OSMR: variants seen among roughly 807,000 people sequenced by gnomAD.
The protein encoded by OSMR is oncostatin M receptor, also known as oncostatin-M-specific receptor subunit beta.
Under a neutral mutation model 99.9 loss-of-function variants are expected in OSMR, and 81 were observed. The ratio of observed to expected loss-of-function variants is 0.81; its 90% CI spans 0.68 to 0.97. The LOEUF (loss-of-function observed/expected upper bound fraction) is 0.97. Ranked by LOEUF, OSMR falls within the 50% of genes least tolerant of loss-of-function variation. The pLI, the probability that OSMR is intolerant of heterozygous loss-of-function variation, is 0.00. For missense variants in OSMR, 1,099 were observed against 1,153.4 expected (o/e 0.95, Z 0.68); for synonymous variants, 406 against 410.4 (o/e 0.99, Z 0.13).
At chr5:38,885,949 C>CT in intron 6 of OSMR, 90 bp from the exon 7 acceptor site, 2 of 1,545,828 alleles carry the variant, frequency 1.3e-6, no homozygotes, top group South Asian at 2.5e-5. Context: ...TTGACAGTCA[C>CT]TGAGTATGCC....
intron 1 of OSMR, among the ~76,000 whole-genome samples, chr5:38,856,408 C>T (rs1443050916): frequency 6.6e-6 from 1 of 152,128 alleles, no homozygotes; most frequent in African/African-American, 2.4e-5. Context: ...CCTCAGGTGG[C>T]CTGGGGCCTG....
chr5:38,922,339 C>T (rs1477003300), intron 12 of OSMR, among the ~76,000 whole-genome samples: 1 of 151,910 alleles, frequency 6.6e-6, no homozygotes, highest in Admixed American at 6.6e-5. Context: ...GGGAAATGTC[C>T]CTGTTCAGAG....
At position 38,885,884 on chromosome 5, in the gene OSMR, C is replaced by T. The variant is rs931177629; in HGVS notation, c.840-155C>T. 25 of 984,954 alleles carry T rather than the reference C, an allele frequency of 2.5e-5. No homozygotes were observed. In the South Asian group the frequency reaches 3.3e-4, roughly 13 times the overall value. 61.0% of individuals were successfully genotyped at this position (984,954 alleles called of 1,614,324 possible). On this transcript the variant is annotated intron_variant, in intron 6 of 17. Transcript: ENST00000274276. ...GTCAAATTTGTAGAAACAATATTTT[C>T]GTTATTGGTATTTGTTGGTGATGGA...
At chr5:38,883,066 T>C (rs1743421389) in intron 4 of OSMR, among the ~76,000 whole-genome samples, 1 of 152,038 alleles carries the variant, frequency 6.6e-6, no homozygotes, top group Non-Finnish European at 1.5e-5. Flanking sequence ...GTAATTCTAG[T>C]ACTTTGGGAG....
intron 9 of OSMR, among the ~76,000 whole-genome samples, chr5:38,910,739 G>A (rs904382310): frequency 5.9e-5 from 9 of 152,130 alleles, no homozygotes; most frequent in South Asian, 4.1e-4. Context: ...GGCTGGGTGC[G>A]GTAGCTCACA....
chr5:38,903,407 G>A (rs1174913704), intron 7 of OSMR, among the ~76,000 whole-genome samples: 1 of 152,246 alleles, frequency 6.6e-6, no homozygotes, highest in African/African-American at 2.4e-5. Context: ...CTGCACTAAA[G>A]CATTAAAGGA....
chr5:38,879,780 C>T (rs1743128534), intron 3 of OSMR, among the ~76,000 whole-genome samples: 1 of 152,058 alleles, frequency 6.6e-6, no homozygotes, highest in Non-Finnish European at 1.5e-5. Flanking sequence ...CGCACTACCA[C>T]ATCCGGCTAA....
downstream of OSMR, among the ~76,000 whole-genome samples, chr5:38,936,557 C>A (rs891947481): frequency 6.6e-6 from 1 of 152,158 alleles, no homozygotes; most frequent in Admixed American, 6.5e-5. Flanking sequence ...AAACACCTAA[C>A]CCATACTAAT....
chr5:38,904,002 A>G lies in OSMR; in HGVS notation c.1112A>G (p.His371Arg). ...ACATATTTGTGTCAGATTGAACTCC[A>G]TGGTGAAGGAAAAATGATGCAAGTA... ...NFTYLCQIEL[H>R]GEGKMMQYNV... is the part of the protein sequence containing the mutation. The change falls in exon 8 of 18, where the codon CAT becomes CGT. Residue 371 changes from histidine (H) to arginine (R), a missense_variant. Transcript: ENST00000274276. 6.2e-7 allele frequency: 1 copy of G among 1,614,098 alleles called. No individual in the cohort carries two copies. Among genetic ancestry groups the G allele is most frequent in the Non-Finnish European group, 8.5e-7 (1 of 1,179,976 alleles).
At chr5:38,921,571 C>A in intron 11 of OSMR, 44 bp from the exon 12 acceptor site, 3 of 1,612,908 alleles carry the variant, frequency 1.9e-6, no homozygotes, top group Non-Finnish European at 2.5e-6. Context: ...AAACAATTTA[C>A]AGTTAATTAA....
chr5:38,924,012 A>G (rs1037181201), intron 13 of OSMR, among the ~76,000 whole-genome samples: 1 of 152,218 alleles, frequency 6.6e-6, no homozygotes, highest in Non-Finnish European at 1.5e-5. Context: ...CTCTTTGAAC[A>G]TAATTCTTCC....
At chr5:38,898,920 A>G (rs930317390) in intron 7 of OSMR, among the ~76,000 whole-genome samples, 31 of 131,398 alleles carry the variant, frequency 2.4e-4, no homozygotes, top group African/African-American at 7.9e-4. Context: ...TCTACTTTTT[A>G]ACTTTTTGTT....
intron 3 of OSMR, among the ~76,000 whole-genome samples, chr5:38,879,196 G>A (rs1487146944): frequency 1.3e-5 from 2 of 152,236 alleles, no homozygotes; most frequent in East Asian, 3.8e-4. Flanking sequence ...CTCTGAGCAG[G>A]CCCAACAGGC....
Position 38,852,718 on chromosome 5 carries a change from A to ATTTTTTTTTTT in OSMR, c.-14+6351_-14+6361dup, listed in dbSNP as rs61559728. On this transcript the variant is annotated intron_variant, in intron 1 of 17. Transcript: ENST00000274276. The stretch of plus-strand genomic sequence containing the variant: ...GATACATATTGAAACTATTGTTTTC[A>ATTTTTTTTTTT]TTTTTTTTTTTTTTTTTTTTTTTTT... 4.6e-3 allele frequency among the ~76,000 whole-genome samples: 328 copies of ATTTTTTTTTTT among 70,656 alleles called. 65 individuals carry two copies. Among genetic ancestry groups the ATTTTTTTTTTT allele is most frequent in the Middle Eastern group, 0.014 (1 of 70 alleles). The allele number at this position is 70,656 out of a possible 152,430, so 46.4% of individuals were successfully genotyped here.
chr5:38,858,742 C>G (rs1013977670), intron 1 of OSMR, among the ~76,000 whole-genome samples: 3 of 152,094 alleles, frequency 2.0e-5, no homozygotes, highest in African/African-American at 7.2e-5. Flanking sequence ...TGTATGAGTT[C>G]CCTTTTCTCT....
intron 7 of OSMR, 173 bp downstream of exon 7, chr5:38,886,363 T>C: frequency 2.1e-6 from 3 of 1,423,490 alleles, no homozygotes; most frequent in Non-Finnish European, 2.7e-6. Context: ...ACGCATCCCC[T>C]ATTATTTGTT....
At chr5:38,896,583 C>T (rs1744532900) in intron 7 of OSMR, among the ~76,000 whole-genome samples, 1 of 152,020 alleles carries the variant, frequency 6.6e-6, no homozygotes, top group African/African-American at 2.4e-5. Flanking sequence ...AAGATAATAT[C>T]ATCTGCAGAC....
At chr5:38,894,938 G>A (rs1744404792) in intron 7 of OSMR, among the ~76,000 whole-genome samples, 1 of 150,960 alleles carries the variant, frequency 6.6e-6, no homozygotes, top group East Asian at 1.9e-4. Context: ...TATACTGCAA[G>A]ATTAACCAGA....
At position 38,903,868 on chromosome 5, in the gene OSMR, CT is replaced by C. The variant is rs376033751; in HGVS notation, c.992-6del. The C allele has an allele frequency of 1.4e-5, 22 of 1,603,692 alleles. No individual in the cohort carries two copies. The highest frequency in any genetic ancestry group is 5.6e-5 in the South Asian group (5 of 89,386). On this transcript the variant is annotated splice_polypyrimidine_tract_variant and intron_variant, in intron 7 of 17. Coordinates refer to ENST00000274276, the MANE Select transcript of OSMR (RefSeq NM_003999.3). ...TGCTTGAATTTTTTTGTTTCTTTTTCTTTTTTTTGACAGTTTATTTAATGAA... is the reference window on the plus strand; with the variant it reads ...TGCTTGAATTTTTTTGTTTCTTTTTCTTTTTTTGACAGTTTATTTAATGAA...
Sources: allele counts gnomAD v4.1 joint callset (sites outside exome capture counted in the v4.1 genomes callset), GRCh38; gene constraint gnomAD v4.1.1; transcripts MANE v1.5; gene names NCBI Gene and HGNC (gene_info 2026-07-23, HGNC 2026-07-21).